Variants in GRIK4 observed in about 807,000 individuals in gnomAD.
The protein encoded by GRIK4 is glutamate ionotropic receptor kainate type subunit 4.
GRIK4 carries 40 observed loss-of-function variants against 104.9 expected under a neutral mutation model. That is an observed-to-expected ratio of 0.38 (90% CI 0.30 to 0.50). The LOEUF (loss-of-function observed/expected upper bound fraction) is 0.50, where lower values mean the gene tolerates loss of function less well. GRIK4 is among the 20% of genes least tolerant of loss of function. The pLI is 0.93. For synonymous variants in GRIK4, 485 were observed against 524.9 expected (o/e 0.92, Z 1.04); for missense variants, 1,047 against 1,308.1 (o/e 0.80, Z 3.08).
At chr11:120,924,283 T>C (rs892678089) in intron 13 of GRIK4, among the ~76,000 whole-genome samples, 1 of 152,132 alleles carries the variant, frequency 6.6e-6, no homozygotes, top group African/African-American at 2.4e-5. Flanking sequence ...CCCTTGCGTG[T>C]GTGAGGTCAC....
At chr11:120,729,419 TTTGTTA>T (rs1377267238) in intron 3 of GRIK4, among the ~76,000 whole-genome samples, 1 of 152,208 alleles carries the variant, frequency 6.6e-6, no homozygotes, top group Non-Finnish European at 1.5e-5. Flanking sequence ...CTTGCCAGCG[TTTGTTA>T]TTGCCTGACT....
intron 8 of GRIK4, among the ~76,000 whole-genome samples, chr11:120,843,159 T>A (rs1953760047): frequency 6.6e-6 from 1 of 152,252 alleles, no homozygotes; most frequent in Non-Finnish European, 1.5e-5. Flanking sequence ...CTGTGTGGTC[T>A]GCTGACCACT....
At chr11:120,957,502 A>G (rs1347065890) in intron 16 of GRIK4, among the ~76,000 whole-genome samples, 3 of 152,106 alleles carry the variant, frequency 2.0e-5, no homozygotes, top group Non-Finnish European at 1.5e-5. Flanking sequence ...TGTGTGGGAA[A>G]GCTCTTTGAA....
intron 3 of GRIK4, among the ~76,000 whole-genome samples, chr11:120,739,956 C>T (rs1367117732): frequency 6.6e-6 from 1 of 152,214 alleles, no homozygotes; most frequent in African/African-American, 2.4e-5. Flanking sequence ...TGCACTCCAG[C>T]CAGCTGACCT....
chr11:120,965,690 G>A (rs1944372368), intron 18 of GRIK4, among the ~76,000 whole-genome samples: 1 of 152,220 alleles, frequency 6.6e-6, no homozygotes, highest in Non-Finnish European at 1.5e-5. Context: ...TCTGGGAGAT[G>A]TTCTAGTTCC....
At chr11:120,915,408 G>C (rs1024236061) in intron 13 of GRIK4, among the ~76,000 whole-genome samples, 4 of 152,044 alleles carry the variant, frequency 2.6e-5, no homozygotes, top group Non-Finnish European at 4.4e-5. Context: ...TTTTTCTTCT[G>C]AGATGTCTGT....
At chr11:120,563,738 T>G (rs1413416734) in intron 1 of GRIK4, among the ~76,000 whole-genome samples, 1 of 152,154 alleles carries the variant, frequency 6.6e-6, no homozygotes, top group Non-Finnish European at 1.5e-5. Flanking sequence ...TAGTTGGCTC[T>G]GAATTCCCCT....
intron 13 of GRIK4, among the ~76,000 whole-genome samples, chr11:120,920,658 C>G (rs1051556658): frequency 6.6e-6 from 1 of 151,612 alleles, no homozygotes; most frequent in Non-Finnish European, 1.5e-5. Context: ...TGAGCCCCCT[C>G]TTATTAGGTA....
intron 8 of GRIK4, among the ~76,000 whole-genome samples, chr11:120,843,455 A>G (rs1953771034): frequency 6.6e-6 from 1 of 152,260 alleles, no homozygotes; most frequent in Non-Finnish European, 1.5e-5. Flanking sequence ...GCCCTGGACT[A>G]GCAGTGAAGC....
intron 3 of GRIK4, among the ~76,000 whole-genome samples, chr11:120,738,811 G>C (rs894142325): frequency 1.3e-5 from 2 of 152,186 alleles, no homozygotes; most frequent in African/African-American, 4.8e-5. Context: ...TGTCTTGTTC[G>C]TGCCTTCCCT....
At position 120,694,529 on chromosome 11, in the gene GRIK4, C is replaced by G. The variant is rs896777211; in HGVS notation, c.82+34129C>G. Among the ~76,000 whole-genome samples the G allele has an allele frequency of 3.9e-5, 6 of 152,330 alleles. No individual in the cohort carries two copies. In the South Asian group the frequency reaches 1.2e-3, roughly 32 times the overall value. Reference sequence around the variant, plus strand: ...TTGAGCTCTGTTTCCCCACCCACCCCCCAACCCAACCTCTCAACATTTCAC... The same window carrying G: ...TTGAGCTCTGTTTCCCCACCCACCCGCCAACCCAACCTCTCAACATTTCAC... On this transcript the variant is annotated intron_variant, in intron 3 of 20. Coordinates refer to ENST00000527524, the MANE Select transcript of GRIK4 (RefSeq NM_014619.5).
At chr11:120,955,882 G>A (rs893592759) in intron 15 of GRIK4, among the ~76,000 whole-genome samples, 4 of 151,462 alleles carry the variant, frequency 2.6e-5, no homozygotes, top group Admixed American at 6.6e-5. Flanking sequence ...AGACACCATC[G>A]AGGCCAGTGG....
At chr11:120,816,804 C>G (rs1242154063) in intron 5 of GRIK4, among the ~76,000 whole-genome samples, 2 of 152,224 alleles carry the variant, frequency 1.3e-5, no homozygotes, top group East Asian at 3.9e-4. Flanking sequence ...GTAGCTGGGC[C>G]TCTCTCTGTA....
At chr11:120,835,600 A>G (rs1953555626) in intron 7 of GRIK4, among the ~76,000 whole-genome samples, 1 of 152,180 alleles carries the variant, frequency 6.6e-6, no homozygotes, top group African/African-American at 2.4e-5. Flanking sequence ...AACACTATGT[A>G]AGAGGAAAAA....
intron 14 of GRIK4, among the ~76,000 whole-genome samples, chr11:120,947,576 C>G (rs1943892854): frequency 6.6e-6 from 1 of 152,118 alleles, no homozygotes; most frequent in Non-Finnish European, 1.5e-5. Flanking sequence ...CTGCTTAATA[C>G]TCTGTTCTAA....
chr11:120,697,752 T>C (rs780382146), intron 3 of GRIK4, among the ~76,000 whole-genome samples: 2 of 152,188 alleles, frequency 1.3e-5, no homozygotes, highest in Non-Finnish European at 2.9e-5. Flanking sequence ...TGTTGGCCTC[T>C]GCATACTCCT....
chr11:120,830,187 GA>G (rs559392750), intron 6 of GRIK4, among the ~76,000 whole-genome samples: 4,908 of 112,732 alleles, frequency 0.044, 122 homozygotes, highest in African/African-American at 0.088. Flanking sequence ...TTCCTATGAA[GA>G]AAAAAAAAAA....
At chr11:120,847,972 AG>A (rs1160776046) in intron 8 of GRIK4, among the ~76,000 whole-genome samples, 2 of 152,234 alleles carry the variant, frequency 1.3e-5, no homozygotes, top group African/African-American at 4.8e-5. Context: ...AGATTAGGCC[AG>A]TCCTAAAGAT....
In GRIK4 at chr11:120,561,227, G is replaced by A. The variant is rs1307657655; in HGVS notation, c.-159+49340G>A. On this transcript the variant is annotated intron_variant, in intron 1 of 20. Transcript: ENST00000527524. Reference sequence around the variant, plus strand: ...GGCAGGAGCAGGCCCTGGGTTTAGCGGCAGCCAGGGGAGGGTGGGTTGCTG... The same window carrying A: ...GGCAGGAGCAGGCCCTGGGTTTAGCAGCAGCCAGGGGAGGGTGGGTTGCTG... Among the ~76,000 whole-genome samples, 5 of 152,158 alleles carry A rather than the reference G, an allele frequency of 3.3e-5. No homozygotes were observed. In the East Asian group the frequency reaches 9.7e-4, roughly 29 times the overall value.
Sources: allele counts gnomAD v4.1 joint callset (sites outside exome capture counted in the v4.1 genomes callset), GRCh38; gene constraint gnomAD v4.1.1; transcripts MANE v1.5; gene names NCBI Gene and HGNC (gene_info 2026-07-23, HGNC 2026-07-21).